The following DLGAP2 variants were observed in gnomAD, a reference collection of about 807,000 sequenced individuals.
DLGAP2 encodes DLG associated protein 2.
Under a neutral mutation model 100.3 loss-of-function variants are expected in DLGAP2, and 26 were observed. The observed-to-expected ratio is 0.26, with a 90% confidence interval of 0.19 to 0.36. The LOEUF is 0.36. Ranked by LOEUF, DLGAP2 falls within the 10% of genes least tolerant of loss-of-function variation. DLGAP2 has a pLI of 1.00. For synonymous variants in DLGAP2, 886 were observed against 630.1 expected (o/e 1.41, Z -6.08); for missense variants, 1,858 against 1,453.2 (o/e 1.28, Z -4.53).
intron 2 of DLGAP2, among the ~76,000 whole-genome samples, chr8:937,153 C>G (rs1260413474): frequency 6.6e-6 from 1 of 152,210 alleles, no homozygotes; most frequent in African/African-American, 2.4e-5. Flanking sequence ...GTCTCCCTCG[C>G]TCGCCTGACG....
At chr8:1,664,550 A>C (rs1798496011) in intron 8 of DLGAP2, among the ~76,000 whole-genome samples, 1 of 152,154 alleles carries the variant, frequency 6.6e-6, no homozygotes, top group Admixed American at 6.6e-5. Flanking sequence ...TGTTGTATCC[A>C]CCAGTGAAGC....
chr8:1,472,921 C>T (rs777519346), intron 3 of DLGAP2, among the ~76,000 whole-genome samples: 6 of 152,090 alleles, frequency 3.9e-5, no homozygotes, highest in African/African-American at 9.7e-5. Context: ...AACTTATGTC[C>T]TCACAATATA....
intron 2 of DLGAP2, among the ~76,000 whole-genome samples, chr8:1,118,408 G>T (rs1396957223): frequency 1.3e-5 from 2 of 152,160 alleles, no homozygotes; most frequent in African/African-American, 4.8e-5. Flanking sequence ...AGCCCACCTG[G>T]TGTAAAGTGC....
intron 3 of DLGAP2, among the ~76,000 whole-genome samples, chr8:1,452,104 A>G (rs1798176341): frequency 6.6e-6 from 1 of 152,388 alleles, no homozygotes; most frequent in Middle Eastern, 3.4e-3. Context: ...TGTAGCGAAC[A>G]CATGCATGCC....
At chr8:1,627,016 A>T in intron 7 of DLGAP2, 129 bp downstream of exon 7, 1 of 1,153,758 alleles carries the variant, frequency 8.7e-7, no homozygotes, top group Non-Finnish European at 1.2e-6. Flanking sequence ...GGCTACACCA[A>T]AGGGGGTTCC....
intron 1 of DLGAP2, among the ~76,000 whole-genome samples, chr8:764,178 G>A (rs191268442): frequency 1.3e-5 from 2 of 152,312 alleles, no homozygotes; most frequent in East Asian, 3.9e-4. Flanking sequence ...CCGTGCCGCA[G>A]CTGCCACTCA....
Position 1,701,296 on chromosome 8 carries a change from C to T in DLGAP2, c.3058C>T (p.Arg1020Trp), listed in dbSNP as rs1799560583. The T allele has an allele frequency of 6.3e-7, 1 of 1,585,458 alleles. No homozygotes were observed. The highest frequency in any genetic ancestry group is 8.6e-7 in the Non-Finnish European group (1 of 1,166,632). Residue 1020 changes from arginine to tryptophan, a missense_variant, in exon 15 of 15, where the codon CGG becomes TGG. Transcript: ENST00000637795. ...DLPDRQRQEA[R>W]RRLMAAKRAA... ...GCCCGACAGACAACGCCAGGAAGCC[C>T]GGAGGCGCCTCATGGCCGCCAAGCG...
At chr8:1,666,017 G>A (rs1346538821) in intron 8 of DLGAP2, among the ~76,000 whole-genome samples, 3 of 152,138 alleles carry the variant, frequency 2.0e-5, no homozygotes, top group Non-Finnish European at 4.4e-5. Flanking sequence ...GTGTTTAAAC[G>A]GACCTCATCC....
chr8:1,138,204 C>G (rs895648292), intron 2 of DLGAP2, among the ~76,000 whole-genome samples: 1 of 152,238 alleles, frequency 6.6e-6, no homozygotes, highest in African/African-American at 2.4e-5. Context: ...AGCGCAGCTC[C>G]TGGGTGGCTT....
At chr8:1,561,565 G>A (rs1214824463) in intron 5 of DLGAP2, among the ~76,000 whole-genome samples, 1 of 152,194 alleles carries the variant, frequency 6.6e-6, no homozygotes, top group Non-Finnish European at 1.5e-5. Context: ...CTTCTAGTGT[G>A]CGTGGTGCTA....
At chr8:1,678,141 C>T (rs1379175048) in intron 11 of DLGAP2, 73 bp from the exon 12 acceptor site, 12 of 1,519,936 alleles carry the variant, frequency 7.9e-6, no homozygotes, top group South Asian at 5.1e-5. Context: ...TCCTGACAGG[C>T]GACATGTAGG....
At chr8:883,961 G>T (rs1426156413) in intron 1 of DLGAP2, among the ~76,000 whole-genome samples, 2 of 152,190 alleles carry the variant, frequency 1.3e-5, no homozygotes, top group Non-Finnish European at 2.9e-5. Flanking sequence ...CCCTGAAAAG[G>T]ACATGATCTC....
intron 14 of DLGAP2, among the ~76,000 whole-genome samples, chr8:1,698,265 T>C (rs900415775): frequency 6.6e-6 from 1 of 151,348 alleles, no homozygotes. Context: ...GTGGGACAGG[T>C]CCACATAAGC....
chr8:973,934 G>T (rs553184410), intron 2 of DLGAP2, among the ~76,000 whole-genome samples: 1 of 151,208 alleles, frequency 6.6e-6, no homozygotes, highest in Non-Finnish European at 1.5e-5. Context: ...GCTGGAGAGC[G>T]CTGGGCGCAA....
chr8:1,408,335 C>A (rs1246737648), intron 3 of DLGAP2, among the ~76,000 whole-genome samples: 1 of 152,250 alleles, frequency 6.6e-6, no homozygotes, highest in Admixed American at 6.5e-5. Context: ...GTTTCCCCTT[C>A]CCTCGGGGAG....
intron 2 of DLGAP2, among the ~76,000 whole-genome samples, chr8:1,117,962 C>T (rs370975021): frequency 3.3e-5 from 5 of 152,084 alleles, no homozygotes; most frequent in African/African-American, 1.2e-4. Flanking sequence ...GAGTAGATAC[C>T]GTTTTCCAGA....
At chr8:788,330 C>G (rs1297572576) in intron 1 of DLGAP2, among the ~76,000 whole-genome samples, 1 of 152,218 alleles carries the variant, frequency 6.6e-6, no homozygotes, top group African/African-American at 2.4e-5. Context: ...GCCTTGGCAT[C>G]TGTGTTCACA....
intron 2 of DLGAP2, among the ~76,000 whole-genome samples, chr8:1,075,694 T>G (rs1340019055): frequency 2.0e-5 from 3 of 152,068 alleles, no homozygotes; most frequent in Non-Finnish European, 4.4e-5. Flanking sequence ...GGAGGGCCCG[T>G]CAGTGAGAGC....
At chr8:1,301,640 G>C (rs1212355373) in intron 3 of DLGAP2, 1 of 152,258 alleles carries the variant, frequency 6.6e-6, no homozygotes, top group African/African-American at 2.4e-5. Context: ...GATAAGGAAG[G>C]GCCCAACATA....
Sources: allele counts gnomAD v4.1 joint callset (sites outside exome capture counted in the v4.1 genomes callset), GRCh38; gene constraint gnomAD v4.1.1; transcripts MANE v1.5; gene names NCBI Gene and HGNC (gene_info 2026-07-23, HGNC 2026-07-21).